IFT140: variants seen among roughly 807,000 people sequenced by gnomAD.
The protein encoded by IFT140 is intraflagellar transport protein 140 homolog.
In IFT140, 133 loss-of-function variants were observed where a neutral mutation model predicts 164.6. The observed-to-expected ratio is 0.81, with a 90% CI of 0.70 to 0.93. The LOEUF is 0.93. Among genes scored for constraint, IFT140 ranks in the 40% least tolerant of loss-of-function variants. The probability of loss-of-function intolerance (pLI) is 0.00; values close to 1 mark genes in which losing one functional copy is unlikely to be tolerated. For missense variants in IFT140, 2,045 were observed against 1,972.3 expected (o/e 1.04, Z -0.70); for synonymous variants, 860 against 817.3 (o/e 1.05, Z -0.89).
chr16:1,601,928 G>C (rs1228520222), intron 4 of IFT140, among the ~76,000 whole-genome samples: 3 of 152,210 alleles, frequency 2.0e-5, no homozygotes, highest in Non-Finnish European at 4.4e-5. Flanking sequence ...GCTATGCTGT[G>C]GGTCTGTCCT....
chr16:1,607,538 T>G (rs1489862917), intron 2 of IFT140, among the ~76,000 whole-genome samples: 1 of 151,992 alleles, frequency 6.6e-6, no homozygotes, highest in Non-Finnish European at 1.5e-5. Context: ...CGAATACAAC[T>G]CATGGCCATC....
intron 16 of IFT140, 55 bp downstream of exon 16, chr16:1,566,106 A>G: frequency 6.3e-7 from 1 of 1,587,162 alleles, no homozygotes; most frequent in Non-Finnish European, 8.6e-7. Flanking sequence ...CCAGAAGCCG[A>G]GAAGTAACTG....
intron 26 of IFT140, among the ~76,000 whole-genome samples, chr16:1,522,338 C>G (rs1290770896): frequency 6.6e-6 from 1 of 151,972 alleles, no homozygotes; most frequent in Non-Finnish European, 1.5e-5. Context: ...GTCTGGGTGA[C>G]AGAGAGAGAC....
At chr16:1,552,561 T>C (rs868346994) in intron 19 of IFT140, among the ~76,000 whole-genome samples, 2 of 151,782 alleles carry the variant, frequency 1.3e-5, no homozygotes, top group African/African-American at 2.4e-5. Flanking sequence ...CAAGCATCGA[T>C]ACCACACAAT....
At chr16:1,604,649 G>C (rs912834178) in intron 3 of IFT140, among the ~76,000 whole-genome samples, 12 of 152,208 alleles carry the variant, frequency 7.9e-5, no homozygotes, top group Non-Finnish European at 1.8e-4. Context: ...GTGTAAAGTA[G>C]AGGAGGCCTG....
At chr16:1,532,785 C>T (rs1162211600) in intron 19 of IFT140, 2 of 152,218 alleles carry the variant, frequency 1.3e-5, no homozygotes, top group Non-Finnish European at 2.9e-5. Context: ...GGTGTCTGCC[C>T]AGCTGGGCAG....
At position 1,518,432 on chromosome 16, in the gene IFT140, T is replaced by C. The variant is rs2040427769; in HGVS notation, c.4041-75A>G. 2.9e-5 allele frequency: 42 copies of C among 1,452,728 alleles called. 1 individual carries two copies. The South Asian group carries it at 5.6e-4, about 19-fold the overall frequency. The allele number at this position is 1,452,728 out of a possible 1,614,324, so 90.0% of individuals were successfully genotyped here. ...TGCTATCAGAGGTCAGAGGAGACTC[T>C]TGGCCTGTAAGAGGAGCTCTCCGGA... On this transcript the variant is annotated intron_variant, in intron 29 of 30. Coordinates refer to ENST00000426508, the MANE Select transcript of IFT140 (RefSeq NM_014714.4).
chr16:1,583,481 T>C, intron 11 of IFT140, 95 bp from the exon 12 acceptor site: 2 of 893,916 alleles, frequency 2.2e-6, no homozygotes, highest in Non-Finnish European at 3.6e-6. Flanking sequence ...CTCTAAACAC[T>C]TCTGAACACT....
Position 1,584,396 on chromosome 16 carries a change from C to A in IFT140, c.1180G>T (p.Ala394Ser). 1 of 1,609,986 alleles carries A rather than the reference C, an allele frequency of 6.2e-7. No homozygotes were observed. Among genetic ancestry groups the A allele is most frequent in the Non-Finnish European group, 8.5e-7 (1 of 1,178,652 alleles). Residue 394 changes from alanine (A) to serine (S), a missense_variant, in exon 11 of 31, where the codon GCA (alanine) becomes TCA (serine). Transcript: ENST00000426508. ...IQWGSRKNLL[A>S]VNSVISVAIL... is the part of the protein sequence containing the mutation. ...GCCACGGAGATGACGCTGTTCACTG[C>A]CAGCAGGTTCTTCCTGGAACCCCAC...
At chr16:1,579,212 A>C (rs930040059) in intron 13 of IFT140, 1 of 152,190 alleles carries the variant, frequency 6.6e-6, no homozygotes, top group Non-Finnish European at 1.5e-5. Flanking sequence ...TATGTTTACT[A>C]TTTGTGAGGT....
At chr16:1,517,452 GAGA>G (rs10581473) in intron 30 of IFT140, among the ~76,000 whole-genome samples, 24,914 of 151,896 alleles carry the variant, frequency 0.16, 2,591 homozygotes, top group African/African-American at 0.27. Flanking sequence ...ATAAGCACAT[GAGA>G]AGGAGCTGCA....
At chr16:1,611,210 C>T (rs2036307272) in intron 1 of IFT140, among the ~76,000 whole-genome samples, 1 of 152,224 alleles carries the variant, frequency 6.6e-6, no homozygotes, top group African/African-American at 2.4e-5. Context: ...GGAGCGCCCC[C>T]AAGAAAGCAG....
chr16:1,566,549 C>A (rs2033727973), intron 15 of IFT140, among the ~76,000 whole-genome samples: 1 of 152,194 alleles, frequency 6.6e-6, no homozygotes, highest in Admixed American at 6.5e-5. Context: ...GCAGCCTCCG[C>A]CTCCCGGGCT....
intron 4 of IFT140, among the ~76,000 whole-genome samples, chr16:1,598,735 C>A (rs200679402): frequency 6.6e-6 from 1 of 152,272 alleles, no homozygotes; most frequent in Non-Finnish European, 1.5e-5. Flanking sequence ...ATCTGCACCC[C>A]CTTCTTGGTG....
chr16:1,511,188 ACAACCAGGCACGACCC>A (rs778381028), intron 30 of IFT140, 38 bp from the exon 31 acceptor site: 2 of 1,555,824 alleles, frequency 1.3e-6, no homozygotes, highest in Non-Finnish European at 8.7e-7. Context: ...GCTTTCCTGA[ACAACCAGGCACGACCC>A]TCTGCCTGCA....
chr16:1,510,970 C>T lies in IFT140; in HGVS notation c.4363G>A (p.Val1455Met). ...EDARELDEEV[V>M]EEADDDP ...CAGGGGTCGTCATCTGCCTCTTCCA[C>T]CACCTCCTCGTCCAGCTCCCTGGCG... The change falls in exon 31 of 31, where the codon GTG (valine) becomes ATG (methionine). Residue 1455 changes from valine to methionine, a missense_variant. Coordinates refer to ENST00000426508, the MANE Select transcript of IFT140 (RefSeq NM_014714.4). 2 of 1,612,346 alleles carry T rather than the reference C, an allele frequency of 1.2e-6. No individual in the cohort carries two copies. Among genetic ancestry groups the T allele is most frequent in the Non-Finnish European group, 1.7e-6 (2 of 1,179,486 alleles).
intron 6 of IFT140, among the ~76,000 whole-genome samples, chr16:1,590,896 A>C (rs1297403227): frequency 6.6e-6 from 1 of 152,002 alleles, no homozygotes; most frequent in Non-Finnish European, 1.5e-5. Flanking sequence ...CTCCCAGGTG[A>C]CTGAGGCCAC....
In IFT140 at chr16:1,553,002, TAAG is replaced by T. The variant is rs1304109407; in HGVS notation, c.2399+4930_2399+4932del. ...GAAGTATCCAGGAGCTACCCATGTATAAGAAGCTCCATGAAGTATTATAAAGAA... is the reference window on the plus strand; with the variant it reads ...GAAGTATCCAGGAGCTACCCATGTATAAGCTCCATGAAGTATTATAAAGAA... On this transcript the variant is annotated intron_variant, in intron 19 of 30. Coordinates refer to ENST00000426508, the MANE Select transcript of IFT140 (RefSeq NM_014714.4). The surrounding 1 kb of genome is among the most constrained non-coding windows in gnomAD (Gnocchi z 4.4). 1.0e-6 allele frequency: 1 copy of T among 985,260 alleles called. No individual in the cohort carries two copies. The highest frequency in any genetic ancestry group is 1.2e-6 in the Non-Finnish European group (1 of 829,900). The allele number at this position is 985,260 out of a possible 1,614,324, so 61.0% of individuals were successfully genotyped here. A position where few individuals can be genotyped will look rare whatever the true frequency, so the allele number is the denominator to read the frequency against.
chr16:1,554,542 T>C (rs987886215), intron 19 of IFT140, among the ~76,000 whole-genome samples: 1 of 152,116 alleles, frequency 6.6e-6, no homozygotes, highest in African/African-American at 2.4e-5. Context: ...CCTGAAGTCC[T>C]AAGAGCCACA....
Sources: allele counts gnomAD v4.1 joint callset (sites outside exome capture counted in the v4.1 genomes callset), GRCh38; gene constraint gnomAD v4.1.1; non-coding constraint Gnocchi (gnomAD v3.1); transcripts MANE v1.5; gene names NCBI Gene and HGNC (gene_info 2026-07-23, HGNC 2026-07-21).